Variants in SCN2A observed in about 807,000 individuals in gnomAD.
SCN2A encodes sodium voltage-gated channel alpha subunit 2.
Under a neutral mutation model 188.7 loss-of-function variants are expected in SCN2A, and 20 were observed. The ratio of observed to expected loss-of-function variants is 0.11; its 90% CI spans 0.07 to 0.15. The LOEUF is 0.15. Ranked by LOEUF, SCN2A falls within the 10% of genes least tolerant of loss-of-function variation. The pLI is 1.00. For synonymous variants in SCN2A, 804 were observed against 833.1 expected (o/e 0.97, Z 0.60); for missense variants, 1,278 against 2,445.0 (o/e 0.52, Z 10.07).
At chr2:165,352,949 C>T (rs1700002906) in intron 16 of SCN2A, among the ~76,000 whole-genome samples, 1 of 151,690 alleles carries the variant, frequency 6.6e-6, no homozygotes, top group Non-Finnish European at 1.5e-5. Context: ...GTTATGTGTG[C>T]TTAAATAATC....
intron 4 of SCN2A, among the ~76,000 whole-genome samples, chr2:165,308,439 T>A (rs771099828): frequency 6.6e-6 from 1 of 152,256 alleles, no homozygotes; most frequent in Non-Finnish European, 1.5e-5. Context: ...TTGGATCCTT[T>A]AAATTAATTA....
chr2:165,374,011 G>C (rs2105371918), intron 21 of SCN2A, among the ~76,000 whole-genome samples: 1 of 152,060 alleles, frequency 6.6e-6, no homozygotes, highest in East Asian at 1.9e-4. Flanking sequence ...AAGTTGCTTA[G>C]ACTTTATCTG....
chr2:165,389,836 G>C lies in SCN2A; in HGVS notation c.*12G>C. 6.3e-7 allele frequency: 1 copy of C among 1,590,786 alleles called. No homozygotes were observed. Among genetic ancestry groups the C allele is most frequent in the Non-Finnish European group, 8.6e-7 (1 of 1,168,156 alleles). ...AAAGTAAAAAGTAAAAAGAAACCAA[G>C]AATTTTCCATTTTGTGATCAATTGT... On this transcript the variant is annotated 3_prime_UTR_variant, in exon 27 of 27. Transcript: ENST00000375437. The surrounding 1 kb of genome is among the most constrained non-coding windows in gnomAD (Gnocchi z 4.2).
In SCN2A at chr2:165,389,252, G is replaced by A. The variant is rs147084515; in HGVS notation, c.5446G>A (p.Ala1816Thr). ...CGATGCGACCCAGTTTATAGAGTTT[G>A]CCAAACTTTCTGATTTTGCAGATGC... ...DPDATQFIEF[A>T]KLSDFADALD... is the part of the protein sequence containing the mutation. The change falls in exon 27 of 27, where the codon GCC becomes ACC. Residue 1816 changes from alanine (A) to threonine (T), a missense_variant. Coordinates refer to ENST00000375437, the MANE Select transcript of SCN2A (RefSeq NM_001040142.2). This position sits in a 1 kb window ranked among gnomAD's most constrained non-coding sequence, Gnocchi z 4.2. 11 of 1,614,026 alleles carry A rather than the reference G, an allele frequency of 6.8e-6. No individual in the cohort carries two copies. The highest frequency in any genetic ancestry group is 9.3e-6 in the Non-Finnish European group (11 of 1,179,996).
intron 8 of SCN2A, among the ~76,000 whole-genome samples, chr2:165,313,339 C>T (rs908781144): frequency 6.6e-6 from 1 of 151,982 alleles, no homozygotes; most frequent in African/African-American, 2.4e-5. Context: ...CCTTAAGTCC[C>T]AGAAGATATT....
chr2:165,313,500 G>A, intron 8 of SCN2A, 120 bp from the exon 9 acceptor site: 1 of 1,093,012 alleles, frequency 9.1e-7, no homozygotes, highest in Non-Finnish European at 1.4e-6. Context: ...GGTAAGGTGA[G>A]AGAAATCGGC....
At chr2:165,257,743 G>A (rs1694392108) in intron 1 of SCN2A, among the ~76,000 whole-genome samples, 1 of 152,056 alleles carries the variant, frequency 6.6e-6, no homozygotes, top group African/African-American at 2.4e-5. Flanking sequence ...TCACCATGCT[G>A]GCCAGGGTGG....
chr2:165,318,806 A>G (rs562965668), intron 11 of SCN2A, among the ~76,000 whole-genome samples: 1 of 152,290 alleles, frequency 6.6e-6, no homozygotes, highest in Admixed American at 6.5e-5. Flanking sequence ...TATGTCACAC[A>G]TCCTGCAAAT....
At position 165,296,884 on chromosome 2, in the gene SCN2A, C is replaced by A. The variant is rs554746219; in HGVS notation, c.268-133C>A. The A allele has an allele frequency of 5.3e-6, 3 of 561,702 alleles. No individual in the cohort carries two copies. The East Asian group carries it at 8.8e-5, about 17-fold the overall frequency. The allele number at this position is 561,702 out of a possible 1,614,324, so 34.8% of individuals were successfully genotyped here. A position where few individuals can be genotyped will look rare whatever the true frequency, so the allele number is the denominator to read the frequency against. The stretch of plus-strand genomic sequence containing the variant: ...AAAAAAAAAGCATCTATCTTCATGT[C>A]ATATGATGGTAATTATTATGTTATA... On this transcript the variant is annotated intron_variant, in intron 2 of 26. Transcript: ENST00000375437.
At chr2:165,264,685 T>C (rs1694758968) in intron 1 of SCN2A, among the ~76,000 whole-genome samples, 1 of 152,136 alleles carries the variant, frequency 6.6e-6, no homozygotes, top group Non-Finnish European at 1.5e-5. Flanking sequence ...GTTCTCATCA[T>C]TTAGCTCCTA....
At chr2:165,251,353 C>T (rs771085928) in intron 1 of SCN2A, among the ~76,000 whole-genome samples, 10 of 151,776 alleles carry the variant, frequency 6.6e-5, no homozygotes, top group African/African-American at 1.2e-4. Flanking sequence ...ACAAAAGAAA[C>T]GATAATATGT....
chr2:165,377,789 T>C (rs1701389547), intron 23 of SCN2A, 139 bp downstream of exon 23: 2 of 609,198 alleles, frequency 3.3e-6, no homozygotes, highest in African/African-American at 1.9e-5. Flanking sequence ...ATAAAATATT[T>C]AATCATACTA....
At chr2:165,308,167 A>G (rs997670866) in intron 4 of SCN2A, among the ~76,000 whole-genome samples, 6 of 152,044 alleles carry the variant, frequency 3.9e-5, no homozygotes, top group African/African-American at 1.4e-4. Flanking sequence ...GCAGCCCTTT[A>G]TCTTCTTTGT....
chr2:165,384,312 A>T (rs1297662572), intron 25 of SCN2A, among the ~76,000 whole-genome samples: 1 of 152,146 alleles, frequency 6.6e-6, no homozygotes, highest in African/African-American at 2.4e-5. Context: ...AGGACAAAGG[A>T]TTGCTAATTG....
intron 1 of SCN2A, chr2:165,245,292 TAGTG>T (rs1316781815): frequency 6.6e-6 from 1 of 152,186 alleles, no homozygotes; most frequent in Non-Finnish European, 1.5e-5. Flanking sequence ...GTTCTTGTGA[TAGTG>T]AGTGAGTTCT....
Position 165,373,124 on chromosome 2 carries a change from A to C in SCN2A, c.3850-101A>C, listed in dbSNP as rs1701130454. On this transcript the variant is annotated intron_variant, in intron 20 of 26. Coordinates refer to ENST00000375437, the MANE Select transcript of SCN2A (RefSeq NM_001040142.2). ...AGACCCCTGGGTGATTTTGAAACTC[A>C]TGAAAGTTCGAGAATTACTGATTCA... 1.4e-5 allele frequency: 19 copies of C among 1,323,952 alleles called. No individual in the cohort carries two copies. In the South Asian group the frequency reaches 2.1e-4, roughly 15 times the overall value. The allele number at this position is 1,323,952 out of a possible 1,614,324, so 82.0% of individuals were successfully genotyped here.
intron 18 of SCN2A, among the ~76,000 whole-genome samples, 179 bp from the exon 19 acceptor site, chr2:165,367,038 A>T (rs935784007): frequency 2.0e-5 from 3 of 152,192 alleles, no homozygotes; most frequent in Admixed American, 6.5e-5. Flanking sequence ...TTATTAAACA[A>T]ATGATTAAAA....
intron 1 of SCN2A, among the ~76,000 whole-genome samples, chr2:165,295,127 T>C (rs1187011705): frequency 1.3e-5 from 2 of 152,180 alleles, no homozygotes; most frequent in Non-Finnish European, 1.5e-5. Flanking sequence ...GGTCCCTTCC[T>C]GTGCAGCTTC....
chr2:165,355,701 A>T (rs72874358), intron 17 of SCN2A, among the ~76,000 whole-genome samples: 20,986 of 152,090 alleles, frequency 0.14, 1,509 homozygotes, highest in Non-Finnish European at 0.15. Flanking sequence ...GTAGCACAAC[A>T]TGATCATGAT....
Sources: allele counts gnomAD v4.1 joint callset (sites outside exome capture counted in the v4.1 genomes callset), GRCh38; gene constraint gnomAD v4.1.1; non-coding constraint Gnocchi (gnomAD v3.1); transcripts MANE v1.5; gene names NCBI Gene and HGNC (gene_info 2026-07-23, HGNC 2026-07-21).